The following GNB1L variants were observed in gnomAD, a reference collection of about 807,000 sequenced individuals.
The protein encoded by GNB1L is guanine nucleotide-binding protein subunit beta-like protein 1.
Under a neutral mutation model 29.1 loss-of-function variants are expected in GNB1L, and 20 were observed. The ratio of observed to expected loss-of-function variants is 0.69; its 90% CI spans 0.48 to 1.00. GNB1L has a LOEUF of 1.00. GNB1L is among the 50% of genes least tolerant of loss of function. The probability of loss-of-function intolerance (pLI) is 0.00; values close to 1 mark genes in which losing one functional copy is unlikely to be tolerated. For synonymous variants in GNB1L, 193 were observed against 206.5 expected (o/e 0.93, Z 0.56); for missense variants, 421 against 464.9 (o/e 0.91, Z 0.87).
rs568580721 is a variant in GNB1L, at chr22:19,821,115, G to A, written c.128+113C>T. 63 of 1,058,872 alleles carry A rather than the reference G, an allele frequency of 5.9e-5. No individual in the cohort carries two copies. In the East Asian group the frequency reaches 6.9e-4, roughly 12 times the overall value. The allele number at this position is 1,058,872 out of a possible 1,614,324, so 65.6% of individuals were successfully genotyped here. A position where few individuals can be genotyped will look rare whatever the true frequency, so the allele number is the denominator to read the frequency against. On this transcript the variant is annotated intron_variant, in intron 3 of 7. Coordinates refer to ENST00000329517, the MANE Select transcript of GNB1L (RefSeq NM_053004.3). The stretch of plus-strand genomic sequence containing the variant: ...TGAAAGCTCAGCAAGCCTGGGTGGC[G>A]AGCAGTCCATGCCCCTTGGCCAGCA...
At chr22:19,815,442 G>A (rs537891176) in intron 4 of GNB1L, among the ~76,000 whole-genome samples, 1 of 152,222 alleles carries the variant, frequency 6.6e-6, no homozygotes, top group Non-Finnish European at 1.5e-5. Context: ...ACACTGCAGG[G>A]AGGCCGAGAT....
intron 2 of GNB1L, chr22:19,848,522 G>A: frequency 1.0e-6 from 1 of 985,500 alleles, no homozygotes; most frequent in Non-Finnish European, 1.2e-6. Flanking sequence ...CCATGCCAGA[G>A]TCCATCGTTG....
At chr22:19,795,509 C>T (rs1411909000) in intron 7 of GNB1L, among the ~76,000 whole-genome samples, 5 of 152,122 alleles carry the variant, frequency 3.3e-5, no homozygotes, top group Admixed American at 3.3e-4. Flanking sequence ...ATGTGCTGGG[C>T]CAAAAGCAAG....
chr22:19,838,713 C>A (rs1236382541), intron 2 of GNB1L, among the ~76,000 whole-genome samples: 1 of 152,176 alleles, frequency 6.6e-6, no homozygotes, highest in Non-Finnish European at 1.5e-5. Context: ...CCCGCCTTGG[C>A]CTCCCAAAGT....
intron 5 of GNB1L, among the ~76,000 whole-genome samples, chr22:19,809,688 A>G (rs5993838): frequency 0.39 from 58,788 of 152,062 alleles, 11,785 homozygotes; most frequent in East Asian, 0.57. Context: ...GAGCAGTGGG[A>G]CACCGAGGAA....
intron 2 of GNB1L, among the ~76,000 whole-genome samples, chr22:19,829,081 C>CT (rs1195462067): frequency 6.6e-6 from 1 of 152,210 alleles, no homozygotes; most frequent in Non-Finnish European, 1.5e-5. Context: ...ATCTGCCCAT[C>CT]TTGGCCTCCC....
At chr22:19,809,507 G>A (rs1377102543) in intron 5 of GNB1L, among the ~76,000 whole-genome samples, 3 of 152,202 alleles carry the variant, frequency 2.0e-5, no homozygotes, top group African/African-American at 7.2e-5. Context: ...CTTGCAATAA[G>A]GCAAGGGTCT....
chr22:19,808,508 A>G (rs979572199), intron 5 of GNB1L, among the ~76,000 whole-genome samples: 1 of 152,202 alleles, frequency 6.6e-6, no homozygotes, highest in Non-Finnish European at 1.5e-5. Context: ...GGTAAGCAGG[A>G]GGGTAAAACA....
chr22:19,791,216 G>A (rs914470699), intron 7 of GNB1L, among the ~76,000 whole-genome samples: 1 of 152,242 alleles, frequency 6.6e-6, no homozygotes, highest in Non-Finnish European at 1.5e-5. Flanking sequence ...CTGGGTGACA[G>A]AGCAAGACCT....
At chr22:19,836,360 T>A (rs1266163164) in intron 2 of GNB1L, among the ~76,000 whole-genome samples, 1 of 149,904 alleles carries the variant, frequency 6.7e-6, no homozygotes, top group African/African-American at 2.5e-5. Flanking sequence ...CCTGTATCAA[T>A]TAAAGGAATC....
rs1211025172 is a variant in GNB1L, at chr22:19,802,354, C to A, written c.517-138G>T. 37 of 672,478 alleles carry A rather than the reference C, an allele frequency of 5.5e-5. No homozygotes were observed. The East Asian group carries it at 1.0e-3, about 18-fold the overall frequency. 41.7% of individuals were successfully genotyped at this position (672,478 alleles called of 1,614,324 possible). ...CATGTCTTCCACGTGGCTGCCACAGCTCAGAAGCTCTGCACCGCCAGTGCC... is the reference window on the plus strand; with the variant it reads ...CATGTCTTCCACGTGGCTGCCACAGATCAGAAGCTCTGCACCGCCAGTGCC... On this transcript the variant is annotated intron_variant, in intron 6 of 7. Transcript: ENST00000329517.
chr22:19,819,094 C>T (rs1937557731), intron 4 of GNB1L, among the ~76,000 whole-genome samples: 1 of 152,218 alleles, frequency 6.6e-6, no homozygotes, highest in Admixed American at 6.5e-5. Flanking sequence ...CCCTCGGGGG[C>T]TGCCCCTCCC....
At chr22:19,844,913 G>A (rs983982888) in intron 2 of GNB1L, among the ~76,000 whole-genome samples, 15 of 152,356 alleles carry the variant, frequency 9.8e-5, no homozygotes, top group African/African-American at 3.4e-4. Context: ...ATGTAGGCCA[G>A]CTGCCGATCC....
At position 19,820,634 on chromosome 22, in the gene GNB1L, C is replaced by A. The variant is rs1280221884; in HGVS notation, c.218G>T (p.Trp73Leu). 1 of 1,613,374 alleles carries A rather than the reference C, an allele frequency of 6.2e-7. No individual in the cohort carries two copies. Among genetic ancestry groups the A allele is most frequent in the African/African-American group, 1.3e-5 (1 of 75,050 alleles). ...GCGCCCCTGGGGCAGCGTCTGCAGCCAGGTCACACACTGGCCGCCGTGGCC... is the reference window on the plus strand; with the variant it reads ...GCGCCCCTGGGGCAGCGTCTGCAGCAAGGTCACACACTGGCCGCCGTGGCC... Reference protein sequence around the residue: ...LDGHGGQCVTWLQTLPQGRQL... With the variant: ...LDGHGGQCVTLLQTLPQGRQL... Residue 73 changes from tryptophan (W) to leucine (L), a missense_variant, in exon 4 of 8, where the codon TGG becomes TTG. By Grantham distance (61) the Trp-to-Leu change is moderately conservative. Transcript: ENST00000329517.
chr22:19,811,798 C>T (rs1937503678), intron 5 of GNB1L, among the ~76,000 whole-genome samples: 1 of 152,104 alleles, frequency 6.6e-6, no homozygotes, highest in African/African-American at 2.4e-5. Flanking sequence ...CCTGAGATAC[C>T]ACCCTCCCTG....
At position 19,788,871 on chromosome 22, in the gene GNB1L, GT is replaced by G; in HGVS notation, c.821del (p.Asp274AlafsTer79). 1 of 1,612,898 alleles carries G rather than the reference GT, an allele frequency of 6.2e-7. No homozygotes were observed. The highest frequency in any genetic ancestry group is 1.1e-5 in the South Asian group (1 of 91,062). ...DRKILATAGW[D>X]HRIRVFHWRT... is the part of the protein sequence containing the mutation. Reference sequence around the variant, plus strand: ...GCCAGTGGAACACGCGGATGCGGTGGTCCCAGCCTGCGGTGGCCAGGATCTT... The same window carrying G: ...GCCAGTGGAACACGCGGATGCGGTGGCCCAGCCTGCGGTGGCCAGGATCTT... On this transcript the variant is annotated frameshift_variant, in exon 8 of 8. Coordinates refer to ENST00000329517, the MANE Select transcript of GNB1L (RefSeq NM_053004.3). LOFTEE classifies it high-confidence loss of function.
At chr22:19,789,693 G>A (rs879671044) in intron 7 of GNB1L, among the ~76,000 whole-genome samples, 12 of 152,072 alleles carry the variant, frequency 7.9e-5, no homozygotes, top group East Asian at 1.9e-4. Flanking sequence ...TGGGCCGAGC[G>A]TTGGGGCCAG....
intron 7 of GNB1L, among the ~76,000 whole-genome samples, chr22:19,799,446 C>T (rs1937343140): frequency 6.6e-6 from 1 of 152,262 alleles, no homozygotes; most frequent in Non-Finnish European, 1.5e-5. Flanking sequence ...CCTGGCCAAG[C>T]CCCAGCCTGG....
chr22:19,789,510 G>T (rs551276280), intron 7 of GNB1L, among the ~76,000 whole-genome samples: 12 of 151,988 alleles, frequency 7.9e-5, no homozygotes, highest in African/African-American at 1.5e-4. Flanking sequence ...GGCAGGATGA[G>T]GGGGGGACAA....
Sources: allele counts gnomAD v4.1 joint callset (sites outside exome capture counted in the v4.1 genomes callset), GRCh38; gene constraint gnomAD v4.1.1; transcripts MANE v1.5; gene names NCBI Gene and HGNC (gene_info 2026-07-23, HGNC 2026-07-21).